The following SPRY3 variants were observed in gnomAD, a reference collection of about 807,000 sequenced individuals.
SPRY3 encodes sprouty RTK signaling antagonist 3.
Under a neutral mutation model 20.2 loss-of-function variants are expected in SPRY3, and 15 were observed. The ratio of observed to expected loss-of-function variants is 0.74; its 90% CI spans 0.50 to 1.14. SPRY3 has a LOEUF of 1.14. Ranked by LOEUF, SPRY3 falls within the 50% of genes most tolerant of loss-of-function variation. The probability of loss-of-function intolerance (pLI) is 0.00; values close to 1 mark genes in which losing one functional copy is unlikely to be tolerated. For synonymous variants in SPRY3, 143 were observed against 136.5 expected, an observed-to-expected ratio of 1.05 and a Z score of -0.33; for missense variants, 364 against 363.9, an observed-to-expected ratio of 1.00 and a Z score of 0.00.
At chrX:155,713,112 C>G (rs749921794) in intron 2 of SPRY3, among the ~76,000 whole-genome samples, 1 of 151,532 alleles carries the variant, frequency 6.6e-6, no homozygotes, top group Non-Finnish European at 1.5e-5. Flanking sequence ...TTTAATTTTA[C>G]TTTAAGTTCT....
At chrX:155,726,634 A>T (rs2091099555) in intron 2 of SPRY3, among the ~76,000 whole-genome samples, 1 of 152,080 alleles carries the variant, frequency 6.6e-6, no homozygotes, top group Non-Finnish European at 1.5e-5. Flanking sequence ...AGAGACTAGG[A>T]TTGCAACTCC....
At chrX:155,720,151 A>G (rs919337185) in intron 2 of SPRY3, among the ~76,000 whole-genome samples, 32 of 152,234 alleles carry the variant, frequency 2.1e-4, no homozygotes, top group Non-Finnish European at 3.1e-4. Flanking sequence ...CATTGACAGT[A>G]GTCTGACAAT....
chrX:155,763,633 C>G (rs2091313112), intron 2 of SPRY3, among the ~76,000 whole-genome samples: 1 of 152,152 alleles, frequency 6.6e-6, no homozygotes, highest in African/African-American at 2.4e-5. Flanking sequence ...TTACATAAGA[C>G]AGTTTGAATG....
chrX:155,692,259 A>AT (rs201921911), intron 2 of SPRY3, among the ~76,000 whole-genome samples: 8 of 109,258 alleles, frequency 7.3e-5, no homozygotes, highest in Middle Eastern at 4.7e-3. Flanking sequence ...GTCAATGTTC[A>AT]TTTTTTTTTC....
intron 2 of SPRY3, among the ~76,000 whole-genome samples, chrX:155,681,714 A>T (rs1485523211): frequency 8.9e-6 from 1 of 112,652 alleles, no homozygotes; most frequent in Non-Finnish European, 1.9e-5. Context: ...TGTGCTCTGG[A>T]TAGAAGATCA....
At chrX:155,750,221 T>G (rs1405135618) in intron 2 of SPRY3, among the ~76,000 whole-genome samples, 1 of 151,796 alleles carries the variant, frequency 6.6e-6, no homozygotes, top group Non-Finnish European at 1.5e-5. Flanking sequence ...AAGTGGGAGC[T>G]AAACATTGGG....
intron 2 of SPRY3, among the ~76,000 whole-genome samples, chrX:155,743,546 C>T (rs940820169): frequency 1.3e-5 from 2 of 152,104 alleles, no homozygotes; most frequent in Non-Finnish European, 2.9e-5. Context: ...TTCTTAGTAA[C>T]ACTGTGAGGG....
chrX:155,752,402 G>C (rs2091267927), intron 2 of SPRY3, among the ~76,000 whole-genome samples: 1 of 151,434 alleles, frequency 6.6e-6, no homozygotes, highest in African/African-American at 2.4e-5. Context: ...CGATGAGTTT[G>C]ACTGCATAAC....
rs1417487580 is a variant in SPRY3 at position 155,623,839 on chromosome X, ACTCT to A, written c.-441+11193_-441+11196del. Among the ~76,000 whole-genome samples the A allele has an allele frequency of 8.0e-5, 9 of 112,280 alleles. No homozygotes were observed. The East Asian group carries it at 2.2e-3, about 28-fold the overall frequency. ...TTCATGAAGAAGATCAAAAGCTCTC[ACTCT>A]AAGTGAAACAAAATTTGGTTTAATT... On this transcript the variant is annotated intron_variant, in intron 1 of 3. Transcript: ENST00000675360.
Position 155,650,935 on chromosome X carries a change from T to G in SPRY3, c.-440-5932T>G, listed in dbSNP as rs781928244. On this transcript the variant is annotated intron_variant, in intron 1 of 3. Transcript: ENST00000675360. ...GAGATAAATTCTCAAGAGCACAGTT[T>G]CAGGGGCATGTGGTAATTACATTTT... 1.1e-4 allele frequency among the ~76,000 whole-genome samples: 12 copies of G among 112,138 alleles called. No homozygotes were observed. The South Asian group carries it at 4.0e-3, about 38-fold the overall frequency.
intron 2 of SPRY3, among the ~76,000 whole-genome samples, chrX:155,744,524 G>A (rs768589794): frequency 1.6e-4 from 24 of 152,096 alleles, no homozygotes; most frequent in East Asian, 5.8e-4. Flanking sequence ...GATTCCAAAC[G>A]GGAAGGGACT....
chrX:155,735,203 T>G (rs1469012617), intron 2 of SPRY3, among the ~76,000 whole-genome samples: 1 of 151,988 alleles, frequency 6.6e-6, no homozygotes, highest in Non-Finnish European at 1.5e-5. Flanking sequence ...TCCAATATGG[T>G]CTAAGAGAAT....
intron 2 of SPRY3, among the ~76,000 whole-genome samples, chrX:155,718,239 T>A (rs2091034816): frequency 6.6e-6 from 1 of 152,162 alleles, no homozygotes. Context: ...AAAAAGTTTT[T>A]AAATACGATT....
intron 2 of SPRY3, among the ~76,000 whole-genome samples, chrX:155,763,291 C>T (rs2091311549): frequency 6.6e-6 from 1 of 152,022 alleles, no homozygotes; most frequent in South Asian, 2.1e-4. Flanking sequence ...AACTGACCTC[C>T]CCCTTCCAAC....
intron 2 of SPRY3, among the ~76,000 whole-genome samples, chrX:155,712,086 T>C (rs2090990992): frequency 6.6e-6 from 1 of 151,896 alleles, no homozygotes; most frequent in South Asian, 2.1e-4. Flanking sequence ...TTTTGCATGT[T>C]TTAAGATTTG....
chrX:155,710,696 A>C (rs965728417), intron 2 of SPRY3, among the ~76,000 whole-genome samples: 1 of 151,698 alleles, frequency 6.6e-6, no homozygotes, highest in Admixed American at 6.6e-5. Context: ...TTCCAATACT[A>C]TGTTGAATAA....
At chrX:155,711,809 G>A (rs918263721) in intron 2 of SPRY3, among the ~76,000 whole-genome samples, 4 of 149,374 alleles carry the variant, frequency 2.7e-5, no homozygotes, top group African/African-American at 9.8e-5. Context: ...TTTTTTTGAA[G>A]CTTTTCTTCT....
intron 2 of SPRY3, among the ~76,000 whole-genome samples, chrX:155,672,048 A>G (rs1357851597): frequency 2.6e-4 from 29 of 111,590 alleles, no homozygotes; most frequent in Non-Finnish European, 5.3e-4. Context: ...TGGTTACTGT[A>G]GCCTTGTAGT....
At chrX:155,685,407 T>C (rs944165443) in intron 2 of SPRY3, among the ~76,000 whole-genome samples, 4 of 110,884 alleles carry the variant, frequency 3.6e-5, no homozygotes, top group Admixed American at 1.9e-4. Context: ...GGATTTCTTT[T>C]TTTTTTTTTT....
Sources: allele counts gnomAD v4.1 joint callset (sites outside exome capture counted in the v4.1 genomes callset), GRCh38; gene constraint gnomAD v4.1.1; transcripts MANE v1.5; gene names NCBI Gene and HGNC (gene_info 2026-07-23, HGNC 2026-07-21).